Variants in COL19A1 observed in about 807,000 individuals in gnomAD.
The protein encoded by COL19A1 is collagen alpha-1(XIX) chain.
COL19A1 carries 159 observed loss-of-function variants against 190.2 expected under a neutral mutation model. The observed-to-expected ratio is 0.84, with a 90% CI of 0.73 to 0.95. The LOEUF is 0.95. Ranked by LOEUF, COL19A1 falls within the 40% of genes least tolerant of loss-of-function variation. The pLI is 0.00. For synonymous variants in COL19A1, 509 were observed against 458.9 expected, an observed-to-expected ratio of 1.11 and a Z score of -1.39; for missense variants, 1,418 against 1,431.9, an observed-to-expected ratio of 0.99 and a Z score of 0.16.
chr6:69,901,321 G>A (rs1479889414), intron 4 of COL19A1, among the ~76,000 whole-genome samples: 1 of 152,220 alleles, frequency 6.6e-6, no homozygotes, highest in East Asian at 1.9e-4. Context: ...CAGACGTTCT[G>A]TGTAAATGAG....
chr6:69,909,299 A>T (rs938361971), intron 4 of COL19A1, among the ~76,000 whole-genome samples: 2 of 152,140 alleles, frequency 1.3e-5, no homozygotes, highest in African/African-American at 2.4e-5. Flanking sequence ...TTGCAGAAAG[A>T]GGTATAAGAT....
chr6:70,038,981 C>T (rs1322511863), intron 14 of COL19A1, among the ~76,000 whole-genome samples: 3 of 151,756 alleles, frequency 2.0e-5, no homozygotes, highest in East Asian at 1.9e-4. Flanking sequence ...TGCTCGAACC[C>T]GGGAGGCGGT....
chr6:69,870,442 G>A (rs1243047173), intron 1 of COL19A1, among the ~76,000 whole-genome samples: 1 of 152,228 alleles, frequency 6.6e-6, no homozygotes, highest in South Asian at 2.1e-4. Flanking sequence ...CATGGCATTT[G>A]AGCTACACGT....
intron 15 of COL19A1, among the ~76,000 whole-genome samples, chr6:70,093,032 T>C (rs62420150): frequency 6.6e-6 from 1 of 152,168 alleles, no homozygotes; most frequent in Non-Finnish European, 1.5e-5. Context: ...TTTGTCCCTC[T>C]GCATGTCAAT....
intron 49 of COL19A1, among the ~76,000 whole-genome samples, chr6:70,200,699 G>A (rs1424037998): frequency 6.6e-6 from 1 of 152,122 alleles, no homozygotes; most frequent in Admixed American, 6.5e-5. Context: ...CTGTAATATT[G>A]AGCCTCATTT....
chr6:70,178,230 A>G (rs942438614), intron 42 of COL19A1, among the ~76,000 whole-genome samples: 1 of 152,180 alleles, frequency 6.6e-6, no homozygotes, highest in Non-Finnish European at 1.5e-5. Context: ...CTCTGCAAAA[A>G]GTGCAAAAAT....
chr6:69,887,432 A>G (rs1769020120), intron 2 of COL19A1, among the ~76,000 whole-genome samples: 1 of 152,184 alleles, frequency 6.6e-6, no homozygotes, highest in Non-Finnish European at 1.5e-5. Context: ...CACACACCAA[A>G]GTTGACAAAT....
chr6:70,163,462 TCA>T, intron 36 of COL19A1, 66 bp downstream of exon 36: 1 of 1,431,304 alleles, frequency 7.0e-7, no homozygotes, highest in East Asian at 2.4e-5. Flanking sequence ...ATGAGACTCT[TCA>T]CAGAGAGAGC....
intron 11 of COL19A1, among the ~76,000 whole-genome samples, 183 bp from the exon 12 acceptor site, chr6:70,023,444 T>C (rs1778545980): frequency 6.6e-6 from 1 of 152,172 alleles, no homozygotes; most frequent in Non-Finnish European, 1.5e-5. Flanking sequence ...CTGCAGCTTT[T>C]CTTCGAACTT....
intron 42 of COL19A1, among the ~76,000 whole-genome samples, chr6:70,177,974 T>C (rs1000680396): frequency 6.6e-6 from 1 of 152,172 alleles, no homozygotes; most frequent in Non-Finnish European, 1.5e-5. Flanking sequence ...AAATGAGAAA[T>C]TCCAAATATG....
At chr6:70,102,418 G>T (rs1226699315) in intron 16 of COL19A1, among the ~76,000 whole-genome samples, 196 bp downstream of exon 16, 1 of 152,112 alleles carries the variant, frequency 6.6e-6, no homozygotes, top group Non-Finnish European at 1.5e-5. Context: ...ACCAAGAGAT[G>T]AGGGAGGCTG....
At chr6:70,081,198 G>A (rs984940711) in intron 15 of COL19A1, among the ~76,000 whole-genome samples, 4 of 151,870 alleles carry the variant, frequency 2.6e-5, no homozygotes, top group African/African-American at 9.7e-5. Context: ...CAGTAGGATG[G>A]GCTTTAATCT....
At chr6:70,008,340 T>C (rs1314391363) in intron 11 of COL19A1, among the ~76,000 whole-genome samples, 1 of 151,498 alleles carries the variant, frequency 6.6e-6, no homozygotes, top group African/African-American at 2.4e-5. Flanking sequence ...TACCAGTAAC[T>C]ACAATGAGGG....
At chr6:70,107,457 C>T (rs1268500794) in intron 16 of COL19A1, among the ~76,000 whole-genome samples, 2 of 152,172 alleles carry the variant, frequency 1.3e-5, no homozygotes. Flanking sequence ...CTTTTTCCCA[C>T]AGTGGCTACA....
chr6:70,203,828 A>G (rs1312027190), intron 49 of COL19A1, among the ~76,000 whole-genome samples: 1 of 151,820 alleles, frequency 6.6e-6, no homozygotes, highest in African/African-American at 2.4e-5. Flanking sequence ...GTTTTCCTAC[A>G]TGAGCTGCAG....
chr6:70,061,631 G>A (rs1780834142), intron 14 of COL19A1, among the ~76,000 whole-genome samples: 1 of 152,082 alleles, frequency 6.6e-6, no homozygotes, highest in Admixed American at 6.6e-5. Flanking sequence ...AGTAAAGGGA[G>A]TAGATTTTTG....
At chr6:70,146,567 T>C (rs1440079992) in intron 25 of COL19A1, 92 bp from the exon 26 acceptor site, 3 of 900,958 alleles carry the variant, frequency 3.3e-6, no homozygotes, top group African/African-American at 1.7e-5. Context: ...TCAAGCAAGA[T>C]GAAGAGTGAT....
At chr6:70,072,983 A>ATTTATTTC in intron 15 of COL19A1, among the ~76,000 whole-genome samples, 1 of 149,930 alleles carries the variant, frequency 6.7e-6, no homozygotes, top group Admixed American at 6.7e-5. Context: ...TTATTTATTT[A>ATTTATTTC]TTTATTTATT....
At chr6:70,049,610 G>A (rs1780087640) in intron 14 of COL19A1, among the ~76,000 whole-genome samples, 1 of 151,856 alleles carries the variant, frequency 6.6e-6, no homozygotes, top group African/African-American at 2.4e-5. Flanking sequence ...ATTTTAAATT[G>A]TTTTCATCAA....
Sources: allele counts gnomAD v4.1 joint callset (sites outside exome capture counted in the v4.1 genomes callset), GRCh38; gene constraint gnomAD v4.1.1; transcripts MANE v1.5; gene names NCBI Gene and HGNC (gene_info 2026-07-23, HGNC 2026-07-21).